TMEM67: variants seen among roughly 807,000 people sequenced by gnomAD.
TMEM67 encodes transmembrane protein 67.
In TMEM67, 124 loss-of-function variants were observed where a neutral mutation model predicts 136.6. The observed-to-expected ratio is 0.91, with a 90% CI of 0.78 to 1.05. The LOEUF (loss-of-function observed/expected upper bound fraction) is 1.05, where lower values mean the gene tolerates loss of function less well. Among genes scored for constraint, TMEM67 ranks in the 50% least tolerant of loss-of-function variants. The pLI, the probability that TMEM67 is intolerant of heterozygous loss-of-function variation, is 0.00. For missense variants in TMEM67, 1,107 were observed against 1,178.4 expected (o/e 0.94, Z 0.89); for synonymous variants, 364 against 390.5 (o/e 0.93, Z 0.80).
chr8:93,764,437 G>A (rs1021631561), intron 4 of TMEM67, among the ~76,000 whole-genome samples: 3 of 151,804 alleles, frequency 2.0e-5, no homozygotes, highest in African/African-American at 7.3e-5. Flanking sequence ...AATAGCCCAG[G>A]TACCCTGATT....
At chr8:93,815,036 G>T (rs563531336) in intron 26 of TMEM67, among the ~76,000 whole-genome samples, 2 of 152,250 alleles carry the variant, frequency 1.3e-5, no homozygotes, top group South Asian at 4.1e-4. Flanking sequence ...TTATTAAATG[G>T]TCTTTGAAAC....
At chr8:93,781,092 C>T (rs1813804553) in intron 9 of TMEM67, 110 bp downstream of exon 9, 4 of 742,876 alleles carry the variant, frequency 5.4e-6, no homozygotes, top group Non-Finnish European at 9.5e-6. Flanking sequence ...AACTCAGTTA[C>T]TAAACTAAAT....
chr8:93,776,358 G>A (rs1460895216), intron 7 of TMEM67, among the ~76,000 whole-genome samples: 2 of 152,120 alleles, frequency 1.3e-5, no homozygotes, highest in Non-Finnish European at 1.5e-5. Context: ...TCTCTTGCCT[G>A]ATTGCCCTGG....
intron 14 of TMEM67, among the ~76,000 whole-genome samples, chr8:93,789,189 T>C (rs1814259167): frequency 6.6e-6 from 1 of 152,188 alleles, no homozygotes; most frequent in African/African-American, 2.4e-5. Flanking sequence ...GCCTCTCTGT[T>C]GTGCTTCTAC....
rs1333917354 is a variant in TMEM67 at position 93,804,797 on chromosome 8, A to G, written c.2358A>G (p.Gly786=). The G allele has an allele frequency of 2.5e-6, 4 of 1,607,166 alleles. No homozygotes were observed. Among genetic ancestry groups the G allele is most frequent in the Admixed American group, 1.7e-5 (1 of 59,916 alleles). ...SVFLLSHKCF[G]YYIHGRSVHG... ...TTCTGTTATCCCACAAATGTTTTGG[A>G]TATTACATTCATGGTAGATCAGTAC... Residue 786 remains glycine (G), a synonymous_variant, in exon 23 of 28, where the codon GGA becomes GGG. Coordinates refer to ENST00000453321, the MANE Select transcript of TMEM67 (RefSeq NM_153704.6).
rs1814659916 is a variant in TMEM67 at position 93,797,222 on chromosome 8, A to T, written c.1949A>T (p.Lys650Ile). ...DWERPKGKVL[K>I]AVEGEGGVRS... The stretch of plus-strand genomic sequence containing the variant: ...GAGCGACCTAAAGGAAAGGTTCTTA[A>T]AGCTGTTGAAGGTAACTGAAATAAA... The change falls in exon 19 of 28, where the codon AAA becomes ATA. Residue 650 changes from lysine (K) to isoleucine (I), a missense_variant. By Grantham distance (102) the Lys-to-Ile change is moderately radical. This residue lies in a region of TMEM67 where 925 missense variants were observed against 1,002.4 expected (regional missense o/e 0.92). Transcript: ENST00000453321. The T allele has an allele frequency of 6.2e-7, 1 of 1,612,444 alleles. No individual in the cohort carries two copies. The highest frequency in any genetic ancestry group is 1.1e-5 in the South Asian group (1 of 91,052).
chr8:93,766,276 G>A (rs1274396374), intron 6 of TMEM67, among the ~76,000 whole-genome samples: 3 of 151,994 alleles, frequency 2.0e-5, no homozygotes, highest in Admixed American at 1.3e-4. Flanking sequence ...CTGCCACTAC[G>A]CCCGGCTAAT....
intron 3 of TMEM67, among the ~76,000 whole-genome samples, chr8:93,761,825 C>A (rs1812850240): frequency 6.6e-6 from 1 of 152,176 alleles, no homozygotes; most frequent in Non-Finnish European, 1.5e-5. Flanking sequence ...TTTTTAAAGA[C>A]CATTATATAT....
chr8:93,814,523 C>T lies in TMEM67; in HGVS notation c.2765-782C>T, dbSNP rs1408136430. 2.0e-5 allele frequency among the ~76,000 whole-genome samples: 3 copies of T among 150,458 alleles called. No individual in the cohort carries two copies. In the East Asian group the frequency reaches 5.9e-4, roughly 29 times the overall value. ...TTGCCCAGGCTAGAGTGCAGTGGTG[C>T]AATCATATTAATAGCTCGCTATAAC... On this transcript the variant is annotated intron_variant, in intron 26 of 27. Coordinates refer to ENST00000453321, the MANE Select transcript of TMEM67 (RefSeq NM_153704.6).
At chr8:93,809,006 T>G in intron 24 of TMEM67, 50 bp downstream of exon 24, 1 of 1,536,108 alleles carries the variant, frequency 6.5e-7, no homozygotes, top group Non-Finnish European at 9.0e-7. Context: ...TTCATGTTTT[T>G]TAGATACCAA....
chr8:93,804,827 G>C lies in TMEM67; in HGVS notation c.2388G>C (p.Gly796=), dbSNP rs1586083001. 1.2e-6 allele frequency: 2 copies of C among 1,607,812 alleles called. No individual in the cohort carries two copies. Among genetic ancestry groups the C allele is most frequent in the Middle Eastern group, 1.7e-4 (1 of 6,038 alleles). The stretch of plus-strand genomic sequence containing the variant: ...ACATTCATGGTAGATCAGTACATGG[G>C]CATGCAGATACTAATATGGAAGAAA... ...GYYIHGRSVH[G]HADTNMEEMN... The change falls in exon 23 of 28, where the codon GGG becomes GGC. Residue 796 remains glycine (G), a synonymous_variant. Transcript: ENST00000453321.
chr8:93,821,865 C>A (rs1392783443), downstream of TMEM67, among the ~76,000 whole-genome samples: 1 of 152,154 alleles, frequency 6.6e-6, no homozygotes, highest in Non-Finnish European at 1.5e-5. Flanking sequence ...GAACTCCAGC[C>A]TGCCTGGGTG....
intron 16 of TMEM67, among the ~76,000 whole-genome samples, chr8:93,793,942 G>T (rs1460658291): frequency 6.6e-6 from 1 of 152,002 alleles, no homozygotes; most frequent in African/African-American, 2.4e-5. Flanking sequence ...TGAGGCTGGA[G>T]TGCAGAGGCA....
At position 93,817,665 on chromosome 8, in the gene TMEM67, G is replaced by A. The variant is rs1808959841; in HGVS notation, c.*1213G>A. The A allele has an allele frequency of 6.6e-6, 1 of 152,014 alleles. No individual in the cohort carries two copies. The highest frequency in any genetic ancestry group is 1.9e-4 in the East Asian group (1 of 5,202). 9.4% of individuals were successfully genotyped at this position (152,014 alleles called of 1,614,324 possible). ...ATGAAAATATATACTAAAACATTTG[G>A]TATTTCTGTTTTCTGTTTCATTAAT... On this transcript the variant is annotated 3_prime_UTR_variant, in exon 28 of 28. Transcript: ENST00000453321.
At chr8:93,795,748 G>A (rs1386081541) in intron 17 of TMEM67, among the ~76,000 whole-genome samples, 153 bp from the exon 18 acceptor site, 2 of 152,118 alleles carry the variant, frequency 1.3e-5, no homozygotes, top group East Asian at 3.9e-4. Context: ...AGACTTAGGT[G>A]GGAGGATCCT....
chr8:93,788,618 G>C (rs938956483), intron 14 of TMEM67, among the ~76,000 whole-genome samples: 1 of 152,138 alleles, frequency 6.6e-6, no homozygotes, highest in Non-Finnish European at 1.5e-5. Flanking sequence ...CAGGAACTCA[G>C]ACTTTACAGT....
intron 3 of TMEM67, among the ~76,000 whole-genome samples, chr8:93,760,770 A>C (rs1310056759): frequency 2.6e-5 from 4 of 152,240 alleles, no homozygotes; most frequent in Non-Finnish European, 5.9e-5. Context: ...CCAAACTACA[A>C]ACTAAAGAAA....
intron 7 of TMEM67, among the ~76,000 whole-genome samples, 177 bp downstream of exon 7, chr8:93,772,828 G>A (rs970314121): frequency 1.3e-5 from 2 of 152,134 alleles, no homozygotes; most frequent in Non-Finnish European, 2.9e-5. Flanking sequence ...ATGTTATTTA[G>A]TATACACAAA....
intron 25 of TMEM67, among the ~76,000 whole-genome samples, chr8:93,809,511 T>C (rs554224869): frequency 1.3e-5 from 2 of 152,312 alleles, no homozygotes; most frequent in African/African-American, 4.8e-5. Flanking sequence ...ATTGAAATCC[T>C]TGTGTTATGC....
Sources: gnomAD v4.1 joint callset for allele counts (sites outside exome capture counted in the v4.1 genomes callset) on GRCh38, gnomAD v4.1.1 for gene constraint, gnomAD v4.1.1 regional missense constraint, MANE v1.5 for transcripts, NCBI Gene and HGNC (gene_info 2026-07-23, HGNC 2026-07-21) for gene names.